Variants in ARB2A observed in about 807,000 individuals in gnomAD.
ARB2A encodes cotranscriptional regulator ARB2A.
the ARB2A span, chr5:93,743,532 C>T: frequency 1.0e-6 from 1 of 984,904 alleles, no homozygotes; most frequent in African/African-American, 1.7e-5. Context: ...TTGAGGTATA[C>T]TTACATGCTA....
At chr5:93,703,280 G>A in the ARB2A span, among the ~76,000 whole-genome samples, 9 of 152,238 alleles carry the variant, frequency 5.9e-5, no homozygotes, top group African/African-American at 1.7e-4. Flanking sequence ...GGCGAGTGTC[G>A]GCGAAGTAGT....
chr5:93,995,998 A>G, the ARB2A span, among the ~76,000 whole-genome samples: 1 of 152,120 alleles, frequency 6.6e-6, no homozygotes, highest in African/African-American at 2.4e-5. Flanking sequence ...TCCCCTAAAT[A>G]TTATAGAAGC....
At chr5:93,858,610 T>C in the ARB2A span, among the ~76,000 whole-genome samples, 3 of 152,192 alleles carry the variant, frequency 2.0e-5, no homozygotes, top group Non-Finnish European at 4.4e-5. Flanking sequence ...ACTTCTAAAC[T>C]GACACTCTTA....
the ARB2A span, among the ~76,000 whole-genome samples, chr5:93,699,237 T>C: frequency 1.3e-5 from 2 of 152,170 alleles, no homozygotes; most frequent in Non-Finnish European, 2.9e-5. Flanking sequence ...ATCTTAAACA[T>C]ACTCTCTGAG....
At chr5:93,680,242 A>C in the ARB2A span, among the ~76,000 whole-genome samples, 1 of 152,168 alleles carries the variant, frequency 6.6e-6, no homozygotes, top group Non-Finnish European at 1.5e-5. Flanking sequence ...TAAATACTTA[A>C]AAACTCTTGT....
the ARB2A span, among the ~76,000 whole-genome samples, chr5:93,690,043 T>C: frequency 8.5e-5 from 13 of 152,262 alleles, no homozygotes; most frequent in Non-Finnish European, 1.9e-4. Context: ...ACTTTTCCCA[T>C]GGTCTTCACA....
chr5:93,734,388 A>C, the ARB2A span: 1 of 152,180 alleles, frequency 6.6e-6, no homozygotes, highest in African/African-American at 2.4e-5. Context: ...AAAGTGGCAA[A>C]AGGGAAGGTG....
At chr5:93,806,883 C>T in the ARB2A span, among the ~76,000 whole-genome samples, 1 of 151,866 alleles carries the variant, frequency 6.6e-6, no homozygotes, top group Non-Finnish European at 1.5e-5. Context: ...TGTTAAAAAA[C>T]AGTATACACA....
the ARB2A span, among the ~76,000 whole-genome samples, chr5:93,922,239 T>C: frequency 1.3e-5 from 2 of 151,918 alleles, no homozygotes; most frequent in African/African-American, 2.4e-5. Context: ...ACAGGACTCA[T>C]GAAAGAATAA....
the ARB2A span, among the ~76,000 whole-genome samples, chr5:93,823,759 A>G: frequency 1.3e-5 from 2 of 152,102 alleles, no homozygotes; most frequent in African/African-American, 4.8e-5. Context: ...GATTGAGAAC[A>G]TCCTGGCCAA....
At chr5:94,011,785 C>T in the ARB2A span, among the ~76,000 whole-genome samples, 1 of 149,228 alleles carries the variant, frequency 6.7e-6, no homozygotes, top group Non-Finnish European at 1.5e-5. Context: ...CAGAAAGAGA[C>T]AGGATGTAGA....
At chr5:93,819,329 T>A in the ARB2A span, among the ~76,000 whole-genome samples, 1 of 152,192 alleles carries the variant, frequency 6.6e-6, no homozygotes, top group Admixed American at 6.5e-5. Flanking sequence ...CCTCAAGATA[T>A]TTCTAGATCA....
the ARB2A span, among the ~76,000 whole-genome samples, chr5:93,637,354 G>GTTTTTTTTTTTTTTTTT: frequency 8.6e-6 from 1 of 116,098 alleles, no homozygotes; most frequent in South Asian, 2.9e-4. Context: ...GGGTTGTTTA[G>GTTTTTTTTTTTTTTTTT]TTTTTTTTTT....
the ARB2A span, among the ~76,000 whole-genome samples, chr5:93,626,494 T>C: frequency 6.6e-6 from 1 of 152,226 alleles, no homozygotes; most frequent in African/African-American, 2.4e-5. Context: ...AATACAGGCA[T>C]ACCTTGAAGA....
chr5:93,989,510 C>T, the ARB2A span, among the ~76,000 whole-genome samples: 3 of 152,078 alleles, frequency 2.0e-5, no homozygotes, highest in Non-Finnish European at 4.4e-5. Flanking sequence ...ATCCTATCAT[C>T]CCAATCCCCT....
chr5:93,676,428 C>T, the ARB2A span, among the ~76,000 whole-genome samples: 1 of 152,204 alleles, frequency 6.6e-6, no homozygotes, highest in Non-Finnish European at 1.5e-5. Flanking sequence ...GTTTATGCTT[C>T]ATTTTGCAAG....
the ARB2A span, among the ~76,000 whole-genome samples, chr5:93,644,548 G>A: frequency 6.6e-6 from 1 of 152,126 alleles, no homozygotes; most frequent in Non-Finnish European, 1.5e-5. Context: ...CAAAAGAACA[G>A]ACTCAAATAG....
chr5:93,792,845 T>TATA, the ARB2A span, among the ~76,000 whole-genome samples: 1 of 151,846 alleles, frequency 6.6e-6, no homozygotes, highest in African/African-American at 2.4e-5. Flanking sequence ...AAACTTAAAG[T>TATA]ATAATAATAA....
the ARB2A span, among the ~76,000 whole-genome samples, chr5:93,919,887 G>A: frequency 1.3e-5 from 2 of 152,050 alleles, no homozygotes; most frequent in Admixed American, 1.3e-4. Flanking sequence ...CTAGACAAAG[G>A]TACAAGGCTT....
Sources: gnomAD v4.1 joint callset for allele counts (sites outside exome capture counted in the v4.1 genomes callset) on GRCh38, gnomAD v4.1.1 for gene constraint, MANE v1.5 for transcripts, NCBI Gene and HGNC (gene_info 2026-07-23, HGNC 2026-07-21) for gene names.